The following SNTB2 variants were observed in gnomAD, a reference collection of about 807,000 sequenced individuals.
The protein encoded by SNTB2 is beta-2-syntrophin.
In SNTB2, 34 loss-of-function variants were observed where a neutral mutation model predicts 46.2. The ratio of observed to expected loss-of-function variants is 0.74; its 90% CI spans 0.56 to 0.98. The LOEUF is 0.98. SNTB2 is among the 50% of genes least tolerant of loss of function. The pLI is 0.00. For synonymous variants in SNTB2, 290 were observed against 312.6 expected (o/e 0.93, Z 0.76); for missense variants, 603 against 731.4 (o/e 0.82, Z 2.02).
chr16:69,266,810 G>A (rs1964890388), intron 3 of SNTB2, among the ~76,000 whole-genome samples: 1 of 152,088 alleles, frequency 6.6e-6, no homozygotes, highest in Admixed American at 6.6e-5. Flanking sequence ...TCCACCTTCT[G>A]GGCTGAAGTG....
rs1308149410 is a variant in SNTB2 at position 69,303,633 on chromosome 16, C to G, written c.*2709C>G. 1 of 152,542 alleles carries G rather than the reference C, an allele frequency of 6.6e-6. No individual in the cohort carries two copies. Among genetic ancestry groups the G allele is most frequent in the African/African-American group, 2.4e-5 (1 of 41,400 alleles). The allele number at this position is 152,542 out of a possible 1,614,324, so 9.4% of individuals were successfully genotyped here. A position where few individuals can be genotyped will look rare whatever the true frequency, so the allele number is the denominator to read the frequency against. On this transcript the variant is annotated 3_prime_UTR_variant, in exon 7 of 7. Coordinates refer to ENST00000336278, the MANE Select transcript of SNTB2 (RefSeq NM_006750.4). ...CATTAGCAGCCCCAAGAACCAGAAC[C>G]CTTTTGCTGCTTTTCTTACATACCT...
chr16:69,249,436 G>A (rs991034053), intron 2 of SNTB2, among the ~76,000 whole-genome samples: 1 of 152,262 alleles, frequency 6.6e-6, no homozygotes, highest in South Asian at 2.1e-4. Flanking sequence ...TGTGGGAGTG[G>A]GCAAAGAAGG....
At chr16:69,280,593 A>AC (rs542297558) in intron 4 of SNTB2, among the ~76,000 whole-genome samples, 3,337 of 98,166 alleles carry the variant, frequency 0.034, 121 homozygotes, top group African/African-American at 0.12. Flanking sequence ...GGGGGGCTGA[A>AC]CCCCCCACCT....
intron 1 of SNTB2, among the ~76,000 whole-genome samples, chr16:69,222,636 G>A (rs1408136957): frequency 6.7e-6 from 1 of 149,996 alleles, no homozygotes; most frequent in East Asian, 1.9e-4. Context: ...TAAAAAGCAA[G>A]ATAAAAATTC....
chr16:69,296,671 G>A (rs1360710243), intron 5 of SNTB2, among the ~76,000 whole-genome samples: 6 of 150,190 alleles, frequency 4.0e-5, no homozygotes, highest in Admixed American at 1.3e-4. Flanking sequence ...GCAGTGAGCC[G>A]AGATCATGCC....
At position 69,306,395 on chromosome 16, in the gene SNTB2, C is replaced by T. The variant is rs1965316692; in HGVS notation, c.*5471C>T. 1 of 152,200 alleles carries T rather than the reference C, an allele frequency of 6.6e-6. No individual in the cohort carries two copies. The highest frequency in any genetic ancestry group is 1.5e-5 in the Non-Finnish European group (1 of 68,034). 9.4% of individuals were successfully genotyped at this position (152,200 alleles called of 1,614,324 possible). ...TTGCCACCTCTATTCTTTCTTCCCA[C>T]GTTGGGTGACTGAACTGATGCTTAT... is the stretch of plus-strand genomic sequence containing the variant. On this transcript the variant is annotated 3_prime_UTR_variant, in exon 7 of 7. Coordinates refer to ENST00000336278, the MANE Select transcript of SNTB2 (RefSeq NM_006750.4).
intron 3 of SNTB2, among the ~76,000 whole-genome samples, chr16:69,262,116 T>C (rs1964840065): frequency 6.6e-6 from 1 of 152,210 alleles, no homozygotes; most frequent in Non-Finnish European, 1.5e-5. Flanking sequence ...ACACATGCAC[T>C]GTCCAGATCC....
chr16:69,243,723 A>C (rs1472510681), intron 1 of SNTB2, among the ~76,000 whole-genome samples: 1 of 152,182 alleles, frequency 6.6e-6, no homozygotes, highest in Non-Finnish European at 1.5e-5. Flanking sequence ...GAAATGCTTG[A>C]GTCAGCTGCT....
intron 2 of SNTB2, among the ~76,000 whole-genome samples, chr16:69,254,432 G>A (rs1312741037): frequency 6.6e-6 from 1 of 152,090 alleles, no homozygotes; most frequent in Non-Finnish European, 1.5e-5. Context: ...CCAAAATTTT[G>A]TTGTAGTCAC....
In SNTB2 at chr16:69,187,673, C is replaced by T. The variant is rs1597165000; in HGVS notation, c.507C>T (p.Thr169=). The change falls in exon 1 of 7, where the codon ACC becomes ACT. Residue 169 remains threonine (T), a synonymous_variant. Transcript: ENST00000336278. The stretch of plus-strand genomic sequence containing the variant: ...ACGCCATCCTGTCGGTGAACGGCAC[C>T]GACCTGCGCCAGGCCACCCACGACC... ...LGDAILSVNG[T]DLRQATHDQA... 2 of 1,543,830 alleles carry T rather than the reference C, an allele frequency of 1.3e-6. No homozygotes were observed. Among genetic ancestry groups the T allele is most frequent in the Admixed American group, 2.0e-5 (1 of 50,900 alleles).
At chr16:69,276,202 CAAA>C (rs11345899) in intron 4 of SNTB2, among the ~76,000 whole-genome samples, 1 of 136,800 alleles carries the variant, frequency 7.3e-6, no homozygotes, top group Non-Finnish European at 1.6e-5. Flanking sequence ...AAAAAGATCT[CAAA>C]AAAAAAAAAA....
intron 5 of SNTB2, among the ~76,000 whole-genome samples, chr16:69,297,514 A>T (rs996577276): frequency 7.3e-5 from 11 of 151,110 alleles, no homozygotes; most frequent in Non-Finnish European, 1.6e-4. Context: ...GCTACTCAGG[A>T]GGTTGAGGCG....
chr16:69,291,647 T>C (rs1965160026), intron 5 of SNTB2, among the ~76,000 whole-genome samples: 1 of 152,136 alleles, frequency 6.6e-6, no homozygotes, highest in African/African-American at 2.4e-5. Flanking sequence ...AGTTTGAGGC[T>C]GCGGTGAACT....
intron 1 of SNTB2, among the ~76,000 whole-genome samples, chr16:69,190,246 C>T (rs1186395271): frequency 2.6e-5 from 4 of 152,238 alleles, no homozygotes; most frequent in South Asian, 2.1e-4. Flanking sequence ...GAAAAACTGC[C>T]GTATCATCTC....
intron 1 of SNTB2, among the ~76,000 whole-genome samples, chr16:69,220,891 A>G (rs1435923936): frequency 1.3e-5 from 2 of 152,154 alleles, no homozygotes; most frequent in Non-Finnish European, 2.9e-5. Context: ...ATTAAGATAC[A>G]TAATATTTCT....
At chr16:69,208,537 A>T (rs977859750) in intron 1 of SNTB2, among the ~76,000 whole-genome samples, 1 of 151,994 alleles carries the variant, frequency 6.6e-6, no homozygotes, top group African/African-American at 2.4e-5. Context: ...TCTCATTGTT[A>T]TACTGCATAT....
At chr16:69,196,291 A>C (rs1332689066) in intron 1 of SNTB2, among the ~76,000 whole-genome samples, 3 of 152,024 alleles carry the variant, frequency 2.0e-5, no homozygotes, top group African/African-American at 7.2e-5. Flanking sequence ...AAACAAAAGG[A>C]ATCAAAATAG....
intron 5 of SNTB2, among the ~76,000 whole-genome samples, chr16:69,291,610 G>A (rs1022738512): frequency 3.3e-5 from 5 of 152,284 alleles, no homozygotes; most frequent in African/African-American, 1.2e-4. Context: ...TTGGGAGACT[G>A]AGGCAAGATA....
intron 4 of SNTB2, among the ~76,000 whole-genome samples, chr16:69,281,497 T>TG (rs1965044570): frequency 6.6e-6 from 1 of 151,222 alleles, no homozygotes; most frequent in African/African-American, 2.4e-5. Flanking sequence ...TTTTTTTTTT[T>TG]TGTTTTTTTT....
Sources: allele counts gnomAD v4.1 joint callset (sites outside exome capture counted in the v4.1 genomes callset), GRCh38; gene constraint gnomAD v4.1.1; transcripts MANE v1.5; gene names NCBI Gene and HGNC (gene_info 2026-07-23, HGNC 2026-07-21).